Variants in SCAI observed in about 807,000 individuals in gnomAD.
SCAI encodes the protein protein SCAI.
Under a neutral mutation model 92.2 loss-of-function variants are expected in SCAI, and 24 were observed. The observed-to-expected ratio is 0.26, with a 90% CI of 0.19 to 0.37. SCAI has a LOEUF of 0.37. SCAI is among the 10% of genes least tolerant of loss of function. The pLI is 1.00. For synonymous variants in SCAI, 261 were observed against 258.6 expected (o/e 1.01, Z -0.09); for missense variants, 450 against 736.2 (o/e 0.61, Z 4.50).
chr9:125,138,514 A>C (rs979111537), intron 2 of SCAI, among the ~76,000 whole-genome samples: 1 of 151,858 alleles, frequency 6.6e-6, no homozygotes, highest in Non-Finnish European at 1.5e-5. Context: ...TCCCGGGTTC[A>C]CGTCATTCTC....
At chr9:124,992,323 G>A (rs1384156177) in intron 14 of SCAI, among the ~76,000 whole-genome samples, 1 of 151,848 alleles carries the variant, frequency 6.6e-6, no homozygotes, top group Non-Finnish European at 1.5e-5. Flanking sequence ...TTTCTAAAAA[G>A]ACTAAAATTG....
intron 17 of SCAI, among the ~76,000 whole-genome samples, chr9:124,966,330 T>C (rs1831541886): frequency 6.6e-6 from 1 of 151,080 alleles, no homozygotes; most frequent in African/African-American, 2.4e-5. Flanking sequence ...ATGCGGTGTT[T>C]GGTTTTTTGT....
In SCAI at chr9:125,001,896, G is replaced by C. The variant is rs547101253; in HGVS notation, c.1144+69C>G. 2.4e-4 allele frequency: 260 copies of C among 1,099,040 alleles called. 1 individual carries two copies. In the African/African-American group the frequency reaches 3.8e-3, roughly 16 times the overall value. The allele number at this position is 1,099,040 out of a possible 1,614,324, so 68.1% of individuals were successfully genotyped here. ...GGCTGAGATGGTCTGTGGGCTACGG[G>C]CCATCGTCTTGTAGAAAATAAAGAG... On this transcript the variant is annotated intron_variant, in intron 12 of 17. Coordinates refer to ENST00000336505, the MANE Select transcript of SCAI (RefSeq NM_001144877.3).
At chr9:125,110,736 G>A (rs561763516) in intron 2 of SCAI, among the ~76,000 whole-genome samples, 6 of 152,252 alleles carry the variant, frequency 3.9e-5, no homozygotes, top group Admixed American at 3.3e-4. Context: ...GTAGAACTGT[G>A]AGCCAATTAA....
chr9:125,130,831 T>C (rs1443893883), intron 2 of SCAI, among the ~76,000 whole-genome samples: 1 of 146,078 alleles, frequency 6.8e-6, no homozygotes, highest in East Asian at 2.1e-4. Context: ...AAAAAATAAA[T>C]AGTACAGGAA....
At chr9:125,101,677 T>C (rs1323192846) in intron 2 of SCAI, among the ~76,000 whole-genome samples, 2 of 152,172 alleles carry the variant, frequency 1.3e-5, no homozygotes, top group African/African-American at 2.4e-5. Context: ...GGAGTCAATT[T>C]AGTACCACAA....
At chr9:125,053,499 T>C (rs1588180818) in intron 3 of SCAI, among the ~76,000 whole-genome samples, 1 of 152,220 alleles carries the variant, frequency 6.6e-6, no homozygotes, top group East Asian at 1.9e-4. Context: ...TAGTGATATG[T>C]GCTATAACAC....
chr9:125,003,087 T>C lies in SCAI; in HGVS notation c.1065+27A>G, dbSNP rs375816098. 54 of 1,409,994 alleles carry C rather than the reference T, an allele frequency of 3.8e-5. 1 individual carries two copies. The highest frequency in any genetic ancestry group is 2.8e-4 in the African/African-American group (20 of 70,866). The allele number at this position is 1,409,994 out of a possible 1,614,324, so 87.3% of individuals were successfully genotyped here. A position where few individuals can be genotyped will look rare whatever the true frequency, so the allele number is the denominator to read the frequency against. On this transcript the variant is annotated intron_variant, in intron 11 of 17. Transcript: ENST00000336505. ...TTAGTTAGGGCACACTTTCACCTCATAGTAAAAAGTACTGGATCACACATA... is the reference window on the plus strand; with the variant it reads ...TTAGTTAGGGCACACTTTCACCTCACAGTAAAAAGTACTGGATCACACATA...
At chr9:125,000,485 C>CA (rs986089678) in intron 12 of SCAI, among the ~76,000 whole-genome samples, 1 of 145,892 alleles carries the variant, frequency 6.9e-6, no homozygotes, top group African/African-American at 2.5e-5. Context: ...CCTGTCTCTA[C>CA]AAAAAAATTT....
chr9:124,972,781 C>G (rs1466188541), intron 15 of SCAI, among the ~76,000 whole-genome samples: 1 of 152,202 alleles, frequency 6.6e-6, no homozygotes, highest in Admixed American at 6.5e-5. Flanking sequence ...CTCCCCACAC[C>G]TAGTCCATCA....
Position 124,976,160 on chromosome 9 carries a change from T to A in SCAI, c.1353A>T (p.Pro451=). ...CTGTAGGAGAAAGCAAGCAGACTAG[T>A]GGCTGTCCAAACAAGTTTGTGAAAT... ...YKNFTNLFGQ[P]LVCLLSPTAY... The change falls in exon 15 of 18, where the codon CCA becomes CCT. Residue 451 remains proline (P), a synonymous_variant. Transcript: ENST00000336505. 6.2e-7 allele frequency: 1 copy of A among 1,612,300 alleles called. No individual in the cohort carries two copies. The highest frequency in any genetic ancestry group is 8.5e-7 in the Non-Finnish European group (1 of 1,178,354).
chr9:125,122,588 CAAAAAAAAAAAA>C lies in SCAI; in HGVS notation c.98+20033_98+20044del, dbSNP rs34757267. On this transcript the variant is annotated intron_variant, in intron 2 of 17. Transcript: ENST00000336505. ...TGGGCAACAGAGTGAGACTCCATCTCAAAAAAAAAAAAAAAAAAAAAAAAAAGCTGGTTGTGC... is the reference window on the plus strand; with the variant it reads ...TGGGCAACAGAGTGAGACTCCATCTCAAAAAAAAAAAAAAGCTGGTTGTGC... Among the ~76,000 whole-genome samples, 42 of 59,958 alleles carry C rather than the reference CAAAAAAAAAAAA, an allele frequency of 7.0e-4. 1 individual carries two copies. Among genetic ancestry groups the C allele is most frequent in the Non-Finnish European group, 2.6e-4 (7 of 27,424 alleles). 39.3% of individuals were successfully genotyped at this position (59,958 alleles called of 152,430 possible). A position where few individuals can be genotyped will look rare whatever the true frequency, so the allele number is the denominator to read the frequency against.
chr9:125,041,939 G>A (rs1199896049), intron 3 of SCAI, among the ~76,000 whole-genome samples: 2 of 151,930 alleles, frequency 1.3e-5, no homozygotes, highest in African/African-American at 4.8e-5. Context: ...ACCACTATAT[G>A]ATCAGCATCT....
intron 2 of SCAI, among the ~76,000 whole-genome samples, chr9:125,141,338 A>G (rs1276507591): frequency 6.6e-6 from 1 of 152,198 alleles, no homozygotes; most frequent in African/African-American, 2.4e-5. Context: ...GTGTATTAAC[A>G]TCATTAACTT....
At chr9:125,115,409 G>A (rs1588236143) in intron 2 of SCAI, among the ~76,000 whole-genome samples, 1 of 141,198 alleles carries the variant, frequency 7.1e-6, no homozygotes, top group East Asian at 2.2e-4. Flanking sequence ...TGAAGCACAT[G>A]TACACCAGAG....
intron 9 of SCAI, among the ~76,000 whole-genome samples, chr9:125,014,829 CAG>C (rs1413726690): frequency 1.3e-5 from 2 of 152,168 alleles, no homozygotes; most frequent in African/African-American, 4.8e-5. Flanking sequence ...GGTACCAAAA[CAG>C]AGACATAGAT....
At chr9:125,052,128 A>G (rs976567472) in intron 3 of SCAI, among the ~76,000 whole-genome samples, 35 of 152,260 alleles carry the variant, frequency 2.3e-4, no homozygotes, top group African/African-American at 8.4e-4. Context: ...ACTCTTAGAA[A>G]AAAACACGGG....
In SCAI at chr9:125,020,703, G is replaced by T. The variant is rs769471221; in HGVS notation, c.579C>A (p.Asn193Lys). ...ARFIVVCLLL[N>K]KMDVVKDLVK... ...CCAGATCCTTTACAACATCCATTTT[G>T]TTGAGAAGAAGACAAACTACTATAA... Residue 193 changes from asparagine to lysine, a missense_variant, in exon 7 of 18, where the codon AAC becomes AAA. Coordinates refer to ENST00000336505, the MANE Select transcript of SCAI (RefSeq NM_001144877.3). The T allele has an allele frequency of 4.6e-6, 7 of 1,515,004 alleles. No individual in the cohort carries two copies. The East Asian group carries it at 1.4e-4, about 31-fold the overall frequency. 93.8% of individuals were successfully genotyped at this position (1,515,004 alleles called of 1,614,324 possible). A position where few individuals can be genotyped will look rare whatever the true frequency, so the allele number is the denominator to read the frequency against.
Position 125,143,452 on chromosome 9 carries a change from G to A in SCAI, c.-15C>T. 2 of 1,349,330 alleles carry A rather than the reference G, an allele frequency of 1.5e-6. No homozygotes were observed. The highest frequency in any genetic ancestry group is 3.4e-5 in the Admixed American group (1 of 29,400). 83.6% of individuals were successfully genotyped at this position (1,349,330 alleles called of 1,614,324 possible). A position where few individuals can be genotyped will look rare whatever the true frequency, so the allele number is the denominator to read the frequency against. ...CCTCTGACCATCCGGCTCCTGCTCCGCCGCGGGAGCTGCTCCGGCGGCCGC... is the reference window on the plus strand; with the variant it reads ...CCTCTGACCATCCGGCTCCTGCTCCACCGCGGGAGCTGCTCCGGCGGCCGC... On this transcript the variant is annotated 5_prime_UTR_variant, in exon 1 of 18. Transcript: ENST00000336505.
Sources: gnomAD v4.1 joint callset for allele counts (sites outside exome capture counted in the v4.1 genomes callset) on GRCh38, gnomAD v4.1.1 for gene constraint, MANE v1.5 for transcripts, NCBI Gene and HGNC (gene_info 2026-07-23, HGNC 2026-07-21) for gene names.